The following BTBD7 variants were observed in gnomAD, a reference collection of about 807,000 sequenced individuals.
The protein encoded by BTBD7 is BTB domain containing 7.
BTBD7 carries 38 observed loss-of-function variants against 99.9 expected under a neutral mutation model. The observed-to-expected ratio is 0.38, with a 90% confidence interval of 0.29 to 0.50. BTBD7 has a LOEUF of 0.50. BTBD7 is among the 20% of genes least tolerant of loss of function. The pLI is 0.93. For synonymous variants in BTBD7, 520 were observed against 511.4 expected (o/e 1.02, Z -0.23); for missense variants, 1,170 against 1,394.6 (o/e 0.84, Z 2.57).
intron 3 of BTBD7, among the ~76,000 whole-genome samples, chr14:93,277,785 G>C (rs139256512): frequency 6.6e-6 from 1 of 152,136 alleles, no homozygotes; most frequent in African/African-American, 2.4e-5. Context: ...CAGGATTTGC[G>C]GGATGTGCAA....
At chr14:93,325,006 G>A (rs2053311955) in intron 1 of BTBD7, among the ~76,000 whole-genome samples, 1 of 151,914 alleles carries the variant, frequency 6.6e-6, no homozygotes, top group Non-Finnish European at 1.5e-5. Flanking sequence ...AGTGACAGGA[G>A]ACCTAAGGTT....
intron 1 of BTBD7, among the ~76,000 whole-genome samples, chr14:93,314,672 T>A (rs565526744): frequency 1.8e-4 from 28 of 152,326 alleles, no homozygotes; most frequent in African/African-American, 6.5e-4. Flanking sequence ...GTCATTAGAA[T>A]AAATTTCAAG....
chr14:93,294,011 C>A lies in BTBD7; in HGVS notation c.1009G>T (p.Val337Leu), dbSNP rs755266160. ...CTACAGTGCAAAACAGAGAGGTCCACCACGTCGGTATACATACAGTGTAAT... is the reference window on the plus strand; with the variant it reads ...CTACAGTGCAAAACAGAGAGGTCCAACACGTCGGTATACATACAGTGTAAT... The part of the protein sequence containing the change: ...VILHCMYTDV[V>L]DLSVLHCSPS... Residue 337 changes from valine (V) to leucine (L), a missense_variant, in exon 3 of 11, where the codon GTG becomes TTG. Val to Leu is a conservative substitution (Grantham distance 32). Coordinates refer to ENST00000334746, the MANE Select transcript of BTBD7 (RefSeq NM_001002860.4). 1.9e-6 allele frequency: 3 copies of A among 1,613,914 alleles called. No individual in the cohort carries two copies. The highest frequency in any genetic ancestry group is 2.5e-6 in the Non-Finnish European group (3 of 1,179,874).
rs138153078 is a variant in BTBD7, at chr14:93,254,710, C to T, written c.1609-920G>A. Among the ~76,000 whole-genome samples the T allele has an allele frequency of 2.8e-4, 42 of 152,284 alleles. No homozygotes were observed. The East Asian group carries it at 5.8e-3, about 21-fold the overall frequency. On this transcript the variant is annotated intron_variant, in intron 6 of 10. Coordinates refer to ENST00000334746, the MANE Select transcript of BTBD7 (RefSeq NM_001002860.4). ...GTTTCCTGACTGATGCCAGGAGAAT[C>T]TGTATCAAGTATCTTTAGTTCCTAA...
Position 93,294,379 on chromosome 14 carries a change from A to C in BTBD7, c.641T>G (p.Phe214Cys). ...TGEFGMEDSR[F>C]QNVDILVQLS... is the part of the protein sequence containing the mutation. ...CTGAACAAGGATATCGACATTTTGA[A>C]ACCTTGAGTCCTCCATTCCAAACTC... is the stretch of plus-strand genomic sequence containing the variant. Residue 214 changes from phenylalanine (F) to cysteine (C), a missense_variant, in exon 3 of 11, where the codon TTT (phenylalanine) becomes TGT (cysteine). By Grantham distance (205) the Phe-to-Cys change is radical. This residue lies in a region of BTBD7 where 359 missense variants were observed against 497.9 expected (regional missense o/e 0.72). Transcript: ENST00000334746. 6.2e-7 allele frequency: 1 copy of C among 1,614,196 alleles called. No homozygotes were observed. The highest frequency in any genetic ancestry group is 8.5e-7 in the Non-Finnish European group (1 of 1,180,034).
Position 93,300,741 on chromosome 14 carries a change from TGTGTGTGTGTG to T in BTBD7, c.-106-4595_-106-4585del, listed in dbSNP as rs1566857027. 6.6e-5 allele frequency among the ~76,000 whole-genome samples: 6 copies of T among 91,200 alleles called. 1 individual carries two copies. In the East Asian group the frequency reaches 1.8e-3, roughly 28 times the overall value. 59.8% of individuals were successfully genotyped at this position (91,200 alleles called of 152,430 possible). A position where few individuals can be genotyped will look rare whatever the true frequency, so the allele number is the denominator to read the frequency against. On this transcript the variant is annotated intron_variant, in intron 1 of 10. Transcript: ENST00000334746. ...GTGTGTGTGTGTGTGTGTGTGTGTGTGTGTGTGTGTGTGTGTGTGTGTGTGTGTGTGTATAT... is the reference window on the plus strand; with the variant it reads ...GTGTGTGTGTGTGTGTGTGTGTGTGTTGTGTGTGTGTGTGTGTGTGTATAT...
intron 4 of BTBD7, among the ~76,000 whole-genome samples, chr14:93,262,467 C>T (rs1041425481): frequency 5.9e-5 from 9 of 152,036 alleles, no homozygotes; most frequent in East Asian, 1.9e-4. Context: ...CTCGTACTTC[C>T]GGGCTCAAGC....
At chr14:93,270,795 G>A (rs564437679) in intron 3 of BTBD7, among the ~76,000 whole-genome samples, 3 of 151,904 alleles carry the variant, frequency 2.0e-5, no homozygotes, top group Non-Finnish European at 2.9e-5. Context: ...AATACATTCC[G>A]CTCAGGCAGA....
At chr14:93,326,409 G>A (rs1054223151) in intron 1 of BTBD7, among the ~76,000 whole-genome samples, 1 of 152,182 alleles carries the variant, frequency 6.6e-6, no homozygotes, top group Non-Finnish European at 1.5e-5. Flanking sequence ...TGAGGTTCTG[G>A]TGAGTCGTGA....
intron 1 of BTBD7, among the ~76,000 whole-genome samples, chr14:93,316,252 G>T (rs2053204769): frequency 6.5e-5 from 7 of 108,322 alleles, no homozygotes; most frequent in Admixed American, 5.1e-4. Context: ...ACCATGCCCA[G>T]TCTTTTTTTT....
intron 1 of BTBD7, among the ~76,000 whole-genome samples, chr14:93,304,180 C>T (rs1488773405): frequency 6.6e-6 from 1 of 152,120 alleles, no homozygotes; most frequent in South Asian, 2.1e-4. Context: ...TCTGTGTTTA[C>T]GATATGGAAA....
intron 5 of BTBD7, among the ~76,000 whole-genome samples, chr14:93,259,880 G>A (rs914326204): frequency 6.6e-6 from 1 of 152,182 alleles, no homozygotes; most frequent in Non-Finnish European, 1.5e-5. Flanking sequence ...GTTGCAGCGA[G>A]CTGAGATCGC....
At chr14:93,255,865 T>C (rs1172181094) in intron 6 of BTBD7, 1 of 152,244 alleles carries the variant, frequency 6.6e-6, no homozygotes, top group Non-Finnish European at 1.5e-5. Flanking sequence ...CTATAACTAC[T>C]ACCTTAACAG....
At chr14:93,256,981 T>C (rs1283862150) in intron 6 of BTBD7, 1 of 517,012 alleles carries the variant, frequency 1.9e-6, no homozygotes. Flanking sequence ...TAAGACCTAT[T>C]TACCCACTCA....
At chr14:93,309,408 G>GAA (rs11308931) in intron 1 of BTBD7, among the ~76,000 whole-genome samples, 6 of 127,060 alleles carry the variant, frequency 4.7e-5, no homozygotes, top group Admixed American at 1.7e-4. Flanking sequence ...CTGTCTCCAA[G>GAA]AAAAAAAAAA....
chr14:93,259,051 A>C (rs1254778359), intron 5 of BTBD7, among the ~76,000 whole-genome samples: 1 of 152,240 alleles, frequency 6.6e-6, no homozygotes, highest in Non-Finnish European at 1.5e-5. Flanking sequence ...TATCTGAAGT[A>C]GTTATAAAGT....
intron 1 of BTBD7, among the ~76,000 whole-genome samples, chr14:93,313,635 G>T (rs993826586): frequency 3.3e-5 from 5 of 151,570 alleles, no homozygotes; most frequent in African/African-American, 1.2e-4. Flanking sequence ...TGAGTCTAGT[G>T]AAGAGGAAAG....
At chr14:93,276,984 C>T (rs2052663677) in intron 3 of BTBD7, among the ~76,000 whole-genome samples, 1 of 145,854 alleles carries the variant, frequency 6.9e-6, no homozygotes, top group Admixed American at 7.2e-5. Context: ...TCACTGCAAC[C>T]TCTGCCTCCC....
Position 93,263,941 on chromosome 14 carries a change from G to A in BTBD7, c.1215C>T (p.Ile405=). 6.2e-7 allele frequency: 1 copy of A among 1,614,162 alleles called. No individual in the cohort carries two copies. The highest frequency in any genetic ancestry group is 8.5e-7 in the Non-Finnish European group (1 of 1,180,028). ...CATATGGATGAGAACTCCACTTGAG[G>A]ATGGCAATTAAGGTATCTAATGAGA... ...ESISLDTLIA[I]LKWSSHPYGS... Residue 405 remains isoleucine (I), a synonymous_variant, in exon 4 of 11, where the codon ATC becomes ATT. Transcript: ENST00000334746.
Sources: gnomAD v4.1 joint callset for allele counts (sites outside exome capture counted in the v4.1 genomes callset) on GRCh38, gnomAD v4.1.1 for gene constraint, gnomAD v4.1.1 regional missense constraint, MANE v1.5 for transcripts, NCBI Gene and HGNC (gene_info 2026-07-23, HGNC 2026-07-21) for gene names.